GLIS3: variants seen among roughly 807,000 people sequenced by gnomAD.
GLIS3 encodes zinc finger protein GLIS3.
In GLIS3, 53 loss-of-function variants were observed where a neutral mutation model predicts 78.6. The ratio of observed to expected loss-of-function variants is 0.67; its 90% CI spans 0.54 to 0.85. The LOEUF is 0.85. Ranked by LOEUF, GLIS3 falls within the 40% of genes least tolerant of loss-of-function variation. The pLI, the probability that GLIS3 is intolerant of heterozygous loss-of-function variation, is 0.00. For synonymous variants in GLIS3, 684 were observed against 509.9 expected (o/e 1.34, Z -4.60); for missense variants, 1,703 against 1,231.1 (o/e 1.38, Z -5.74).
At chr9:4,366,183 T>C in the GLIS3 span, among the ~76,000 whole-genome samples, 1 of 152,192 alleles carries the variant, frequency 6.6e-6, no homozygotes, top group African/African-American at 2.4e-5. Context: ...ATTTGGTCTA[T>C]CCTATCCTTA....
chr9:4,135,968 C>T (rs1017351520), intron 2 of GLIS3, among the ~76,000 whole-genome samples: 3 of 152,220 alleles, frequency 2.0e-5, no homozygotes, highest in African/African-American at 7.2e-5. Context: ...ATTTAATGAA[C>T]ATATGTGACT....
chr9:3,951,162 T>C (rs1176245834), intron 4 of GLIS3, among the ~76,000 whole-genome samples: 2 of 152,226 alleles, frequency 1.3e-5, no homozygotes, highest in Non-Finnish European at 2.9e-5. Flanking sequence ...ATAGCTTCAC[T>C]AAATACATAT....
chr9:3,908,893 A>G (rs1309617874), intron 6 of GLIS3, among the ~76,000 whole-genome samples: 1 of 152,144 alleles, frequency 6.6e-6, no homozygotes, highest in Non-Finnish European at 1.5e-5. Flanking sequence ...TTCAATTTTC[A>G]GTTCCATTAC....
chr9:4,233,018 A>G (rs1822409397), intron 2 of GLIS3, among the ~76,000 whole-genome samples: 1 of 152,192 alleles, frequency 6.6e-6, no homozygotes, highest in Non-Finnish European at 1.5e-5. Context: ...GACCATTACT[A>G]CCACCACACG....
At chr9:4,185,004 T>C (rs1351305769) in intron 2 of GLIS3, among the ~76,000 whole-genome samples, 1 of 152,218 alleles carries the variant, frequency 6.6e-6, no homozygotes, top group Non-Finnish European at 1.5e-5. Context: ...TCACCTTTGA[T>C]TATTAGTAAA....
chr9:4,383,595 A>C, the GLIS3 span, among the ~76,000 whole-genome samples: 1 of 137,820 alleles, frequency 7.3e-6, no homozygotes, highest in Admixed American at 7.6e-5. Context: ...AACACTTCTA[A>C]ATTCTAATTC....
chr9:4,227,967 G>C (rs1287871553), intron 2 of GLIS3, among the ~76,000 whole-genome samples: 3 of 152,082 alleles, frequency 2.0e-5, no homozygotes, highest in Non-Finnish European at 4.4e-5. Flanking sequence ...TAATTTGTTG[G>C]GATCAGTACA....
At chr9:4,457,438 G>C in the GLIS3 span, among the ~76,000 whole-genome samples, 2 of 152,074 alleles carry the variant, frequency 1.3e-5, no homozygotes, top group Non-Finnish European at 1.5e-5. Context: ...AGGAGGAAAA[G>C]AGATATTTAG....
intron 2 of GLIS3, among the ~76,000 whole-genome samples, chr9:4,266,058 A>G (rs1286774686): frequency 6.6e-6 from 1 of 152,162 alleles, no homozygotes; most frequent in East Asian, 1.9e-4. Flanking sequence ...AGCTGGGACT[A>G]CAGGCACCCG....
the GLIS3 span, among the ~76,000 whole-genome samples, chr9:4,417,938 T>G: frequency 1.4e-4 from 21 of 152,312 alleles, no homozygotes; most frequent in Non-Finnish European, 2.9e-5. Flanking sequence ...TGGGGAACAA[T>G]TGATATTTTC....
intron 4 of GLIS3, among the ~76,000 whole-genome samples, chr9:3,997,621 T>C (rs1481405416): frequency 1.3e-5 from 2 of 152,020 alleles, no homozygotes; most frequent in Non-Finnish European, 2.9e-5. Flanking sequence ...GTAAGATTCA[T>C]TGATCATGCC....
At chr9:4,025,084 C>G (rs1266764019) in intron 4 of GLIS3, among the ~76,000 whole-genome samples, 3 of 151,952 alleles carry the variant, frequency 2.0e-5, no homozygotes, top group Non-Finnish European at 4.4e-5. Context: ...ACCCCCATCT[C>G]TACTAAAAAT....
intron 4 of GLIS3, among the ~76,000 whole-genome samples, chr9:4,103,143 C>CA (rs1830497751): frequency 6.6e-6 from 1 of 152,162 alleles, no homozygotes; most frequent in Admixed American, 6.5e-5. Context: ...CTATCATAAT[C>CA]ACAGTAAACA....
chr9:4,040,039 T>A (rs1054553535), intron 4 of GLIS3, among the ~76,000 whole-genome samples: 3 of 152,082 alleles, frequency 2.0e-5, no homozygotes, highest in African/African-American at 7.2e-5. Flanking sequence ...AAACAGAGGG[T>A]AACTGAGACC....
At chr9:4,205,316 G>A (rs760848862) in intron 2 of GLIS3, among the ~76,000 whole-genome samples, 4 of 152,144 alleles carry the variant, frequency 2.6e-5, no homozygotes, top group Non-Finnish European at 5.9e-5. Flanking sequence ...CATGTGATCT[G>A]GATTTACAGC....
At chr9:3,907,605 A>ACACACACACAC (rs1823802742) in intron 6 of GLIS3, among the ~76,000 whole-genome samples, 3 of 92,254 alleles carry the variant, frequency 3.3e-5, no homozygotes, top group East Asian at 3.0e-4. Context: ...CCACCCCCCA[A>ACACACACACAC]ACACACACAC....
chr9:4,302,026 G>A (rs1817096776), upstream of GLIS3, among the ~76,000 whole-genome samples: 1 of 149,260 alleles, frequency 6.7e-6, no homozygotes, highest in African/African-American at 2.5e-5. Context: ...ATGTAGATCT[G>A]CAATGTTCTT....
intron 4 of GLIS3, among the ~76,000 whole-genome samples, chr9:4,111,923 A>G (rs1831245878): frequency 6.6e-6 from 1 of 152,246 alleles, no homozygotes; most frequent in Non-Finnish European, 1.5e-5. Flanking sequence ...CATCAGGCAG[A>G]TTTGATAAAA....
intron 4 of GLIS3, among the ~76,000 whole-genome samples, chr9:4,061,561 A>C (rs1230237052): frequency 6.6e-6 from 1 of 152,202 alleles, no homozygotes; most frequent in Admixed American, 6.5e-5. Flanking sequence ...TCATATAAAT[A>C]GCCATAAAAT....
Sources: allele counts gnomAD v4.1 joint callset (sites outside exome capture counted in the v4.1 genomes callset), GRCh38; gene constraint gnomAD v4.1.1; transcripts MANE v1.5; gene names NCBI Gene and HGNC (gene_info 2026-07-23, HGNC 2026-07-21).